The following XYLT1 variants were observed in gnomAD, a reference collection of about 807,000 sequenced individuals.
XYLT1 encodes beta-D-xylosyltransferase 1.
A neutral mutation model predicts 91.3 loss-of-function variants in XYLT1; 36 were observed. The ratio of observed to expected loss-of-function variants is 0.39; its 90% CI spans 0.30 to 0.52. The LOEUF (loss-of-function observed/expected upper bound fraction) is 0.52. XYLT1 is among the 20% of genes least tolerant of loss of function. The pLI, the probability that XYLT1 is intolerant of heterozygous loss-of-function variation, is 0.68. For synonymous variants in XYLT1, 588 were observed against 532.0 expected, an observed-to-expected ratio of 1.11 and a Z score of -1.45; for missense variants, 1,242 against 1,284.5, an observed-to-expected ratio of 0.97 and a Z score of 0.51.
intron 5 of XYLT1, among the ~76,000 whole-genome samples, chr16:17,172,776 T>C (rs2031855535): frequency 6.6e-6 from 1 of 152,182 alleles, no homozygotes; most frequent in Admixed American, 6.5e-5. Flanking sequence ...CCTGGCCGAC[T>C]GTGTTCATTT....
intron 1 of XYLT1, among the ~76,000 whole-genome samples, chr16:17,424,942 C>T (rs1020858140): frequency 2.0e-5 from 3 of 151,972 alleles, no homozygotes; most frequent in African/African-American, 7.3e-5. Context: ...ACAGACATCA[C>T]CACCACCTGG....
intron 1 of XYLT1, among the ~76,000 whole-genome samples, chr16:17,468,325 A>C (rs2036927538): frequency 6.6e-6 from 1 of 152,190 alleles, no homozygotes; most frequent in Admixed American, 6.5e-5. Flanking sequence ...GACAACAGTC[A>C]ACAGCATGGT....
intron 1 of XYLT1, among the ~76,000 whole-genome samples, chr16:17,383,898 C>A (rs8050796): frequency 0.31 from 47,276 of 150,712 alleles, 8,085 homozygotes; most frequent in Non-Finnish European, 0.39. Flanking sequence ...TAGGTGCCCG[C>A]CACCACGCCT....
At chr16:17,239,041 C>T (rs9926775) in intron 3 of XYLT1, among the ~76,000 whole-genome samples, 4,507 of 152,326 alleles carry the variant, frequency 0.03, 208 homozygotes, top group African/African-American at 0.094. Context: ...CTCATCTCTA[C>T]AGCCAACAGA....
chr16:17,387,763 C>T (rs1207869134), intron 1 of XYLT1, among the ~76,000 whole-genome samples: 2 of 152,166 alleles, frequency 1.3e-5, no homozygotes, highest in African/African-American at 4.8e-5. Context: ...CAGTCTTGCC[C>T]GGTCCAAGAA....
chr16:17,177,077 T>C (rs1284319576), intron 5 of XYLT1, among the ~76,000 whole-genome samples: 3 of 152,152 alleles, frequency 2.0e-5, no homozygotes, highest in Admixed American at 1.3e-4. Flanking sequence ...CCTCTTTTCA[T>C]TTACCACAGA....
intron 10 of XYLT1, among the ~76,000 whole-genome samples, chr16:17,120,029 C>T (rs1006482142): frequency 6.6e-6 from 1 of 152,130 alleles, no homozygotes; most frequent in African/African-American, 2.4e-5. Context: ...GAGGTAGTTA[C>T]TGCTCTGATG....
At chr16:17,113,683 G>A (rs926881694) in intron 11 of XYLT1, among the ~76,000 whole-genome samples, 12 of 152,232 alleles carry the variant, frequency 7.9e-5, no homozygotes, top group African/African-American at 2.9e-4. Flanking sequence ...TGCACAGAGA[G>A]GCCAAGGAGA....
chr16:17,403,736 A>C (rs901488541), intron 1 of XYLT1, among the ~76,000 whole-genome samples: 7 of 152,212 alleles, frequency 4.6e-5, no homozygotes, highest in Non-Finnish European at 1.0e-4. Flanking sequence ...TCACTACTCT[A>C]CTGCAGAAGA....
chr16:17,174,659 T>G (rs972434408), intron 5 of XYLT1, among the ~76,000 whole-genome samples: 3 of 152,164 alleles, frequency 2.0e-5, no homozygotes, highest in Non-Finnish European at 4.4e-5. Flanking sequence ...GGGTACAGGT[T>G]TTCCTTCTGG....
chr16:17,381,238 A>G (rs2035676313), intron 1 of XYLT1, among the ~76,000 whole-genome samples: 1 of 152,158 alleles, frequency 6.6e-6, no homozygotes, highest in Admixed American at 6.5e-5. Context: ...GATGTTCATT[A>G]TATCCAATAA....
At chr16:17,163,830 T>C (rs1481902974) in intron 5 of XYLT1, among the ~76,000 whole-genome samples, 1 of 151,720 alleles carries the variant, frequency 6.6e-6, no homozygotes, top group African/African-American at 2.4e-5. Flanking sequence ...GGGTGGATCA[T>C]TTGAGGTCAG....
chr16:17,194,026 C>T (rs1404624135), intron 5 of XYLT1: 2 of 152,172 alleles, frequency 1.3e-5, no homozygotes, highest in African/African-American at 4.8e-5. Context: ...AAAAAAGCCA[C>T]AAATAAGACA....
intron 3 of XYLT1, among the ~76,000 whole-genome samples, chr16:17,212,648 T>C (rs1344409825): frequency 6.6e-6 from 1 of 152,084 alleles, no homozygotes; most frequent in Non-Finnish European, 1.5e-5. Flanking sequence ...CTCAGGACAT[T>C]TTCCTGCTCA....
chr16:17,248,736 T>C (rs1358848913), intron 3 of XYLT1, among the ~76,000 whole-genome samples: 1 of 148,580 alleles, frequency 6.7e-6, no homozygotes, highest in Non-Finnish European at 1.5e-5. Flanking sequence ...GTTGCAATTT[T>C]ACATGTGAAT....
intron 2 of XYLT1, among the ~76,000 whole-genome samples, chr16:17,286,696 CTTG>C (rs1018326011): frequency 5.1e-5 from 6 of 118,594 alleles, no homozygotes; most frequent in African/African-American, 1.9e-4. Context: ...CATCCCCATC[CTTG>C]TTGTAAGGTT....
chr16:17,425,381 G>A (rs1436054132), intron 1 of XYLT1, among the ~76,000 whole-genome samples: 2 of 151,946 alleles, frequency 1.3e-5, no homozygotes, highest in Non-Finnish European at 2.9e-5. Flanking sequence ...CATTTTTCTT[G>A]GACCTACCAA....
intron 1 of XYLT1, among the ~76,000 whole-genome samples, chr16:17,388,518 G>A (rs1450658992): frequency 6.6e-6 from 1 of 152,104 alleles, no homozygotes; most frequent in Admixed American, 6.5e-5. Context: ...ACCTCCCTGA[G>A]CCCCAACTTC....
intron 1 of XYLT1, among the ~76,000 whole-genome samples, chr16:17,400,522 G>A (rs746020774): frequency 9.9e-5 from 15 of 151,572 alleles, no homozygotes; most frequent in Non-Finnish European, 1.8e-4. Context: ...CCTGGGAGGC[G>A]GAGGTTACAG....
Sources: allele counts gnomAD v4.1 joint callset (sites outside exome capture counted in the v4.1 genomes callset), GRCh38; gene constraint gnomAD v4.1.1; transcripts MANE v1.5; gene names NCBI Gene and HGNC (gene_info 2026-07-23, HGNC 2026-07-21).